GALNTL6: variants seen among roughly 807,000 people sequenced by gnomAD.
GALNTL6 encodes polypeptide N-acetylgalactosaminyltransferase like 6.
GALNTL6 carries 46 observed loss-of-function variants against 73.7 expected under a neutral mutation model. The ratio of observed to expected loss-of-function variants is 0.62; its 90% CI spans 0.49 to 0.80. GALNTL6 has a LOEUF of 0.80. GALNTL6 is among the 30% of genes least tolerant of loss of function. The probability of loss-of-function intolerance (pLI) is 0.00; values close to 1 mark genes in which losing one functional copy is unlikely to be tolerated. For synonymous variants in GALNTL6, 259 were observed against 263.7 expected (o/e 0.98, Z 0.17); for missense variants, 604 against 755.0 (o/e 0.80, Z 2.34).
At chr4:172,721,210 C>A (rs1300679658) in intron 5 of GALNTL6, among the ~76,000 whole-genome samples, 1 of 152,054 alleles carries the variant, frequency 6.6e-6, no homozygotes, top group Admixed American at 6.6e-5. Flanking sequence ...GAGATTCTAA[C>A]CCAAGATAGT....
chr4:172,490,496 A>G (rs937219524), intron 5 of GALNTL6, among the ~76,000 whole-genome samples: 8 of 152,194 alleles, frequency 5.3e-5, no homozygotes, highest in African/African-American at 1.7e-4. Flanking sequence ...TTCATATTAC[A>G]TATTAGTTTC....
intron 2 of GALNTL6, among the ~76,000 whole-genome samples, chr4:172,123,965 TACACTTA>T (rs933643164): frequency 2.0e-5 from 3 of 152,216 alleles, no homozygotes; most frequent in African/African-American, 7.2e-5. Flanking sequence ...ACTAGAAACC[TACACTTA>T]AGAGTACTTC....
At chr4:172,017,810 C>T (rs1044785409) in intron 2 of GALNTL6, among the ~76,000 whole-genome samples, 31 of 152,076 alleles carry the variant, frequency 2.0e-4, no homozygotes, top group Admixed American at 1.7e-3. Context: ...GGCTACTAGG[C>T]TCTGGGCTGG....
intron 2 of GALNTL6, among the ~76,000 whole-genome samples, chr4:172,079,779 G>A (rs1326731749): frequency 6.6e-6 from 1 of 151,706 alleles, no homozygotes; most frequent in Non-Finnish European, 1.5e-5. Flanking sequence ...TCTCTTAATT[G>A]TGATAACTTT....
chr4:172,931,807 T>A (rs916817528), intron 9 of GALNTL6, among the ~76,000 whole-genome samples: 3 of 152,266 alleles, frequency 2.0e-5, no homozygotes, highest in African/African-American at 7.2e-5. Flanking sequence ...TTAAGATTTT[T>A]TTCCAATATT....
At chr4:172,310,203 T>C (rs983845605) in intron 3 of GALNTL6, among the ~76,000 whole-genome samples, 5 of 152,018 alleles carry the variant, frequency 3.3e-5, no homozygotes, top group Admixed American at 1.3e-4. Context: ...TAAATATGCA[T>C]GAGCAAGTGT....
At chr4:171,905,020 A>G (rs1560834413) in intron 2 of GALNTL6, among the ~76,000 whole-genome samples, 1 of 152,162 alleles carries the variant, frequency 6.6e-6, no homozygotes, top group Non-Finnish European at 1.5e-5. Context: ...GGAACAACCG[A>G]TACGAGCCAC....
At chr4:172,316,491 T>C (rs1740544867) in intron 4 of GALNTL6, among the ~76,000 whole-genome samples, 1 of 152,194 alleles carries the variant, frequency 6.6e-6, no homozygotes, top group South Asian at 2.1e-4. Flanking sequence ...ACTTTGACAA[T>C]AAATGGAGTA....
At chr4:172,304,838 G>C (rs987216537) in intron 3 of GALNTL6, among the ~76,000 whole-genome samples, 5 of 151,952 alleles carry the variant, frequency 3.3e-5, no homozygotes, top group African/African-American at 9.7e-5. Context: ...CCCTAGCCCC[G>C]TACTTAACAC....
intron 7 of GALNTL6, among the ~76,000 whole-genome samples, chr4:172,849,979 G>T (rs1310642406): frequency 6.6e-6 from 1 of 152,154 alleles, no homozygotes; most frequent in Non-Finnish European, 1.5e-5. Context: ...ACCTCCTAAA[G>T]TCTTTCCTCT....
intron 2 of GALNTL6, among the ~76,000 whole-genome samples, chr4:171,910,100 A>G (rs72696964): frequency 0.026 from 3,980 of 152,240 alleles, 74 homozygotes; most frequent in Non-Finnish European, 0.039. Flanking sequence ...TTTCTTTTCT[A>G]GAAACACTTA....
chr4:172,266,854 GTC>G (rs1738469711), intron 3 of GALNTL6, among the ~76,000 whole-genome samples: 1 of 151,950 alleles, frequency 6.6e-6, no homozygotes, highest in African/African-American at 2.4e-5. Context: ...CTGTCTCTAT[GTC>G]TCTCTTCTCA....
In GALNTL6 at chr4:171,817,708, C is replaced by T. The variant is rs191643679; in HGVS notation, c.138+2990C>T. Among the ~76,000 whole-genome samples, 19 of 151,462 alleles carry T rather than the reference C, an allele frequency of 1.3e-4. No homozygotes were observed. The South Asian group carries it at 1.5e-3, about 12-fold the overall frequency. ...TATGTTGCAGAAAATGAAACAAGGA[C>T]GTAAAAATTACCAAGTTATTTATTT... On this transcript the variant is annotated intron_variant, in intron 2 of 12. Transcript: ENST00000506823.
At chr4:172,843,224 G>A (rs147269586) in intron 7 of GALNTL6, among the ~76,000 whole-genome samples, 25 of 152,290 alleles carry the variant, frequency 1.6e-4, no homozygotes, top group African/African-American at 6.0e-4. Context: ...TATAAATGGA[G>A]GTTCTTGATT....
chr4:172,994,739 T>C (rs1475909511), intron 10 of GALNTL6, among the ~76,000 whole-genome samples: 2 of 152,114 alleles, frequency 1.3e-5, no homozygotes, highest in South Asian at 2.1e-4. Context: ...CACTCAAGAA[T>C]GGGCTCAAGA....
At chr4:172,124,964 C>T (rs1733255674) in intron 2 of GALNTL6, among the ~76,000 whole-genome samples, 1 of 152,108 alleles carries the variant, frequency 6.6e-6, no homozygotes, top group South Asian at 2.1e-4. Flanking sequence ...GAAAACTTTG[C>T]TTTTTTAGGC....
chr4:171,885,951 T>C (rs1736596575), intron 2 of GALNTL6, among the ~76,000 whole-genome samples: 1 of 152,190 alleles, frequency 6.6e-6, no homozygotes, highest in Admixed American at 6.5e-5. Context: ...AATTCACTTC[T>C]GTGGAAATTA....
chr4:172,302,144 C>T (rs1284105420), intron 3 of GALNTL6, among the ~76,000 whole-genome samples: 2 of 152,182 alleles, frequency 1.3e-5, no homozygotes, highest in Non-Finnish European at 2.9e-5. Flanking sequence ...GAGTGAGGCT[C>T]TGTGGGCGTA....
At chr4:172,970,390 C>G (rs919084142) in intron 10 of GALNTL6, among the ~76,000 whole-genome samples, 1 of 152,174 alleles carries the variant, frequency 6.6e-6, no homozygotes. Flanking sequence ...CAGTCCTTAT[C>G]TCACCACATA....
Sources: allele counts gnomAD v4.1 joint callset (sites outside exome capture counted in the v4.1 genomes callset), GRCh38; gene constraint gnomAD v4.1.1; transcripts MANE v1.5; gene names NCBI Gene and HGNC (gene_info 2026-07-23, HGNC 2026-07-21).